POLR1D: variants seen among roughly 807,000 people sequenced by gnomAD.
POLR1D encodes the protein DNA-directed RNA polymerases I and III subunit RPAC2.
POLR1D carries 8 observed loss-of-function variants against 10.8 expected under a neutral mutation model. The ratio of observed to expected loss-of-function variants is 0.74; its 90% CI spans 0.43 to 1.33. The LOEUF (loss-of-function observed/expected upper bound fraction) is 1.33. Among genes scored for constraint, POLR1D ranks in the 40% most tolerant of loss-of-function variants. POLR1D has a pLI of 0.01. For synonymous variants in POLR1D, 54 were observed against 57.2 expected (o/e 0.94, Z 0.25); for missense variants, 152 against 161.7 (o/e 0.94, Z 0.32).
chr13:27,623,630 GAA>G (rs1020544042), downstream of POLR1D, among the ~76,000 whole-genome samples: 1 of 149,790 alleles, frequency 6.7e-6, no homozygotes, highest in African/African-American at 2.5e-5. Flanking sequence ...GGGGGTAAGG[GAA>G]GAGACAAAAA....
chr13:27,662,835 T>C (rs1956377494), intron 2 of POLR1D, among the ~76,000 whole-genome samples: 1 of 152,170 alleles, frequency 6.6e-6, no homozygotes, highest in African/African-American at 2.4e-5. Flanking sequence ...CTTTACATGT[T>C]CTAATTCATT....
At chr13:27,621,128 C>T (rs1193374607), upstream of POLR1D, 3 of 153,222 alleles carry the variant, frequency 2.0e-5, no homozygotes, top group Non-Finnish European at 4.3e-5. Context: ...GGGCTGGGCG[C>T]CTGGGAACAA....
intron 1 of POLR1D, among the ~76,000 whole-genome samples, chr13:27,636,932 A>G (rs1186341996): frequency 6.7e-6 from 1 of 149,700 alleles, no homozygotes. Context: ...TAATTCAGGG[A>G]CAAGAAAAGA....
At chr13:27,655,893 G>A (rs1192005544) in intron 2 of POLR1D, among the ~76,000 whole-genome samples, 1 of 152,080 alleles carries the variant, frequency 6.6e-6, no homozygotes, top group Non-Finnish European at 1.5e-5. Flanking sequence ...AAAAAGAATG[G>A]AGACCGACAT....
downstream of POLR1D, chr13:27,623,488 C>T (rs886578130): frequency 7.7e-6 from 6 of 782,632 alleles, no homozygotes; most frequent in Non-Finnish European, 7.1e-6. Flanking sequence ...ACCAAATGGT[C>T]CTTGAGGATG....
At chr13:27,642,778 T>G (rs1767296838) in intron 1 of POLR1D, among the ~76,000 whole-genome samples, 2 of 152,208 alleles carry the variant, frequency 1.3e-5, no homozygotes, top group Admixed American at 1.3e-4. Flanking sequence ...AAATCAAATA[T>G]TTTATTTTAT....
chr13:27,625,809 G>A (rs972702980), downstream of POLR1D, among the ~76,000 whole-genome samples: 1 of 152,134 alleles, frequency 6.6e-6, no homozygotes, highest in African/African-American at 2.4e-5. Flanking sequence ...GCAAAAATAG[G>A]GTGTGGAAGC....
chr13:27,621,557 G>C (rs972163180), upstream of POLR1D: 1 of 153,580 alleles, frequency 6.5e-6, no homozygotes, highest in Non-Finnish European at 1.4e-5. Context: ...GCCGCTTTCG[G>C]ACTTGCCACT....
intron 2 of POLR1D, among the ~76,000 whole-genome samples, chr13:27,653,296 G>T (rs895611584): frequency 2.0e-5 from 3 of 152,010 alleles, no homozygotes; most frequent in Non-Finnish European, 4.4e-5. Context: ...TTTTTCATAG[G>T]CAGTTGCGTG....
chr13:27,647,684 C>T (rs1475634454), intron 1 of POLR1D, among the ~76,000 whole-genome samples: 25 of 152,180 alleles, frequency 1.6e-4, no homozygotes, highest in Admixed American at 1.3e-3. Context: ...TAATCTTCCA[C>T]ATATGTGGAT....
intron 1 of POLR1D, among the ~76,000 whole-genome samples, chr13:27,645,875 G>A (rs1057092369): frequency 1.3e-5 from 2 of 152,194 alleles, no homozygotes; most frequent in Non-Finnish European, 2.9e-5. Flanking sequence ...AACAGTGCTA[G>A]AGACAGTTTT....
chr13:27,646,852 A>G (rs1294186317), intron 1 of POLR1D, among the ~76,000 whole-genome samples: 4 of 152,166 alleles, frequency 2.6e-5, no homozygotes, highest in Non-Finnish European at 5.9e-5. Flanking sequence ...TTTAAATAAT[A>G]TTTGTCTTTT....
At chr13:27,665,255 A>G (rs1262927007) in intron 2 of POLR1D, 1 of 187,930 alleles carries the variant, frequency 5.3e-6, no homozygotes, top group Non-Finnish European at 1.1e-5. Context: ...AGCAGAATAT[A>G]CTTTTTAGTT....
At chr13:27,630,452 T>G (rs1308019405) in intron 1 of POLR1D, among the ~76,000 whole-genome samples, 2 of 152,170 alleles carry the variant, frequency 1.3e-5, no homozygotes, top group East Asian at 3.8e-4. Flanking sequence ...GGTTACAATT[T>G]TTGTTTTTTG....
chr13:27,622,099 C>T, intron 1 of POLR1D, 90 bp downstream of exon 1: 1 of 1,113,740 alleles, frequency 9.0e-7, no homozygotes, highest in Admixed American at 2.0e-5. Flanking sequence ...GCAGCCGGGG[C>T]CTGACTCGGG....
intron 1 of POLR1D, 96 bp from the exon 2 acceptor site, chr13:27,622,779 T>G: frequency 1.3e-6 from 1 of 756,336 alleles, no homozygotes; most frequent in Non-Finnish European, 2.3e-6. Context: ...AGTAGATTAA[T>G]AATAATGTGT....
At chr13:27,646,986 T>C (rs1956226829) in intron 1 of POLR1D, among the ~76,000 whole-genome samples, 1 of 152,236 alleles carries the variant, frequency 6.6e-6, no homozygotes, top group South Asian at 2.1e-4. Flanking sequence ...TGTCATAACA[T>C]TTTAATATAG....
intron 1 of POLR1D, among the ~76,000 whole-genome samples, chr13:27,630,274 T>C (rs944685916): frequency 2.6e-5 from 4 of 152,160 alleles, no homozygotes; most frequent in Non-Finnish European, 4.4e-5. Flanking sequence ...AAACAAAAGC[T>C]ACCTTGGTGC....
Position 27,652,911 on chromosome 13 carries a change from C to CTTTT in POLR1D, c.101+4481_101+4484dup, listed in dbSNP as rs71083685. 3.9e-3 allele frequency among the ~76,000 whole-genome samples: 347 copies of CTTTT among 89,328 alleles called. 53 individuals are homozygous for CTTTT. The highest frequency in any genetic ancestry group is 0.015 in the African/African-American group (309 of 20,562). 58.6% of individuals were successfully genotyped at this position (89,328 alleles called of 152,430 possible). A position where few individuals can be genotyped will look rare whatever the true frequency, so the allele number is the denominator to read the frequency against. ...TTGCCAGAAGTTGCATTTACCATTT[C>CTTTT]TTTTTTTTTTTTTTTTTTTTTTTTT... On this transcript the variant is annotated intron_variant, in intron 2 of 2. Transcript: ENST00000399697.
Sources: gnomAD v4.1 joint callset for allele counts (sites outside exome capture counted in the v4.1 genomes callset) on GRCh38, gnomAD v4.1.1 for gene constraint, MANE v1.5 for transcripts, NCBI Gene and HGNC (gene_info 2026-07-23, HGNC 2026-07-21) for gene names.